The following MAP3K9 variants were observed in gnomAD, a reference collection of about 807,000 sequenced individuals.
The protein encoded by MAP3K9 is mixed lineage kinase 1 (tyr and ser/thr specificity).
In MAP3K9, 46 loss-of-function variants were observed where a neutral mutation model predicts 95.8. The observed-to-expected ratio is 0.48, with a 90% CI of 0.38 to 0.61. The LOEUF is 0.61. Among genes scored for constraint, MAP3K9 ranks in the 20% least tolerant of loss-of-function variants. The probability of loss-of-function intolerance (pLI) is 0.00; values close to 1 mark genes in which losing one functional copy is unlikely to be tolerated. For missense variants in MAP3K9, 1,296 were observed against 1,474.3 expected (o/e 0.88, Z 1.98); for synonymous variants, 533 against 593.8 (o/e 0.90, Z 1.49).
chr14:70,765,630 A>G (rs2139792028), intron 2 of MAP3K9: 1 of 392,812 alleles, frequency 2.5e-6, no homozygotes, highest in Non-Finnish European at 4.6e-6. Context: ...ACACGTTTGT[A>G]GCCTGGAAAC....
intron 11 of MAP3K9, among the ~76,000 whole-genome samples, chr14:70,731,775 A>G (rs1475606922): frequency 6.6e-6 from 1 of 152,266 alleles, no homozygotes; most frequent in Non-Finnish European, 1.5e-5. Flanking sequence ...AGGTCAAGCC[A>G]AACAGTTAAA....
At chr14:70,801,520 G>C (rs2054930158) in intron 1 of MAP3K9, among the ~76,000 whole-genome samples, 1 of 152,180 alleles carries the variant, frequency 6.6e-6, no homozygotes, top group African/African-American at 2.4e-5. Context: ...CCAAAGTGCT[G>C]GGATTACAGG....
intron 2 of MAP3K9, among the ~76,000 whole-genome samples, chr14:70,768,189 G>A (rs2054483181): frequency 6.6e-6 from 1 of 151,986 alleles, no homozygotes; most frequent in African/African-American, 2.4e-5. Flanking sequence ...AACGCTTGAG[G>A]GGATGGATAT....
At chr14:70,780,640 T>A (rs1036399660) in intron 2 of MAP3K9, among the ~76,000 whole-genome samples, 3 of 152,128 alleles carry the variant, frequency 2.0e-5, no homozygotes, top group African/African-American at 7.2e-5. Context: ...TGGGACTCCA[T>A]CCCTCACCTC....
At chr14:70,768,434 G>T (rs887523895) in intron 2 of MAP3K9, among the ~76,000 whole-genome samples, 1 of 152,020 alleles carries the variant, frequency 6.6e-6, no homozygotes, top group South Asian at 2.1e-4. Flanking sequence ...TGGCAGACCC[G>T]CATATGGTCA....
chr14:70,772,491 G>T (rs142652315), intron 2 of MAP3K9, among the ~76,000 whole-genome samples: 1 of 152,092 alleles, frequency 6.6e-6, no homozygotes, highest in Non-Finnish European at 1.5e-5. Flanking sequence ...AATAATAAGC[G>T]CTCAATAAAC....
At chr14:70,796,949 C>T (rs1214097089) in intron 2 of MAP3K9, among the ~76,000 whole-genome samples, 1 of 152,198 alleles carries the variant, frequency 6.6e-6, no homozygotes, top group Non-Finnish European at 1.5e-5. Context: ...TTTCGGGCTA[C>T]GTACGGTCAA....
At chr14:70,807,387 G>A (rs965020846) in intron 1 of MAP3K9, among the ~76,000 whole-genome samples, 2 of 152,144 alleles carry the variant, frequency 1.3e-5, no homozygotes, top group Non-Finnish European at 2.9e-5. Flanking sequence ...CTACTCAGGA[G>A]GCTGAGGCAG....
chr14:70,803,364 T>TAAAAAA (rs2054954525), intron 1 of MAP3K9, among the ~76,000 whole-genome samples: 1 of 89,514 alleles, frequency 1.1e-5, no homozygotes, highest in Non-Finnish European at 2.3e-5. Flanking sequence ...AAAAAAAAAC[T>TAAAAAA]GAACTGGAAC....
Position 70,730,331 on chromosome 14 carries a change from C to T in MAP3K9, c.*49G>A. On this transcript the variant is annotated 3_prime_UTR_variant, in exon 12 of 12. Coordinates refer to ENST00000554752, the MANE Select transcript of MAP3K9 (RefSeq NM_001284230.2). ...GAGAAAGGGCTGTGCCCGCCAGCTC[C>T]CCTCATCTCCGCTGGCTGTCCCCCT... The T allele has an allele frequency of 6.4e-7, 1 of 1,565,198 alleles. No homozygotes were observed. The highest frequency in any genetic ancestry group is 8.7e-7 in the Non-Finnish European group (1 of 1,151,100).
At chr14:70,773,629 A>C (rs1453206137) in intron 2 of MAP3K9, among the ~76,000 whole-genome samples, 1 of 152,220 alleles carries the variant, frequency 6.6e-6, no homozygotes, top group Admixed American at 6.5e-5. Context: ...CCTGTCTTAA[A>C]AGATTCCAGC....
In MAP3K9 at chr14:70,740,108, G is replaced by A; in HGVS notation, c.1624C>T (p.Leu542Phe). The A allele has an allele frequency of 6.2e-7, 1 of 1,614,180 alleles. No individual in the cohort carries two copies. The highest frequency in any genetic ancestry group is 2.2e-5 in the East Asian group (1 of 44,878). Residue 542 changes from leucine (L) to phenylalanine (F), a missense_variant, in exon 7 of 12, where the codon CTT becomes TTT. This residue lies in a region of MAP3K9 where 377 missense variants were observed against 417.1 expected (regional missense o/e 0.90). Coordinates refer to ENST00000554752, the MANE Select transcript of MAP3K9 (RefSeq NM_001284230.2). ...GGAGGACTGGAGCGGCTGTTGATAA[G>A]ACTCTTCCTTTTATCCATGGTAGGG... ...ASPTMDKRKS[L>F]INSRSSPPAS...
chr14:70,787,207 T>C (rs896135092), intron 2 of MAP3K9, among the ~76,000 whole-genome samples: 4 of 152,056 alleles, frequency 2.6e-5, no homozygotes, highest in Admixed American at 2.6e-4. Context: ...AGAAAGATCT[T>C]AACTATAAGA....
chr14:70,778,008 GAA>G (rs1474416812), intron 2 of MAP3K9, among the ~76,000 whole-genome samples: 1 of 152,170 alleles, frequency 6.6e-6, no homozygotes, highest in Non-Finnish European at 1.5e-5. Flanking sequence ...AAAAGGAAAG[GAA>G]AAGAGAGGGA....
chr14:70,744,250 A>G (rs1334664390), intron 5 of MAP3K9, among the ~76,000 whole-genome samples: 1 of 152,138 alleles, frequency 6.6e-6, no homozygotes. Context: ...TGTAGGTGAC[A>G]GGTTGATGGG....
In MAP3K9 at chr14:70,732,644, G is replaced by A; in HGVS notation, c.2725C>T (p.Pro909Ser). Residue 909 changes from proline to serine, a missense_variant, in exon 11 of 12, where the codon CCC becomes TCC. Physicochemically the swap from Pro to Ser is moderately conservative, Grantham distance 74. Transcript: ENST00000554752. ...THVTLTTPSQ[P>S]SSHRRTPSDG... ...GAAGGAGTCCGCCGGTGACTGCTGG[G>A]CTGCGAGGGGGTGGTGAGGGTGACA... 1.2e-6 allele frequency: 2 copies of A among 1,606,644 alleles called. No individual in the cohort carries two copies. Among genetic ancestry groups the A allele is most frequent in the South Asian group, 1.1e-5 (1 of 89,840 alleles).
At chr14:70,749,804 AT>A in intron 4 of MAP3K9, 128 bp downstream of exon 4, 1 of 1,106,856 alleles carries the variant, frequency 9.0e-7, no homozygotes, top group Non-Finnish European at 1.3e-6. Flanking sequence ...TGCCCAGAGG[AT>A]TCCTCCTTAG....
chr14:70,781,349 C>T (rs1057283678), intron 2 of MAP3K9, among the ~76,000 whole-genome samples: 1 of 152,228 alleles, frequency 6.6e-6, no homozygotes, highest in African/African-American at 2.4e-5. Flanking sequence ...AGGCACTGAG[C>T]CATGTGTGTG....
In MAP3K9 at chr14:70,777,471, C is replaced by T. The variant is rs193195575; in HGVS notation, c.821-16289G>A. 3.5e-3 allele frequency among the ~76,000 whole-genome samples: 540 copies of T among 152,282 alleles called. 2 individuals carry two copies. The highest frequency in any genetic ancestry group is 0.013 in the South Asian group (65 of 4,818). On this transcript the variant is annotated intron_variant, in intron 2 of 11. Transcript: ENST00000554752. ...GAAGCATTACTCACTGCTCATTCAT[C>T]CCAGGAAAGACCCTCCTGACATACT... is the stretch of plus-strand genomic sequence containing the variant.
Sources: gnomAD v4.1 joint callset for allele counts (sites outside exome capture counted in the v4.1 genomes callset) on GRCh38, gnomAD v4.1.1 for gene constraint, gnomAD v4.1.1 regional missense constraint, MANE v1.5 for transcripts, NCBI Gene and HGNC (gene_info 2026-07-23, HGNC 2026-07-21) for gene names.